ANK3: variants seen among roughly 807,000 people sequenced by gnomAD.
ANK3 encodes the protein ankyrin 3.
Under a neutral mutation model 370.9 loss-of-function variants are expected in ANK3, and 57 were observed. The ratio of observed to expected loss-of-function variants is 0.15; its 90% CI spans 0.12 to 0.19. The LOEUF is 0.19. Among genes scored for constraint, ANK3 ranks in the 10% least tolerant of loss-of-function variants. The pLI, the probability that ANK3 is intolerant of heterozygous loss-of-function variation, is 1.00. For synonymous variants in ANK3, 1,929 were observed against 1,946.3 expected (o/e 0.99, Z 0.23); for missense variants, 4,439 against 5,302.1 (o/e 0.84, Z 5.06).
intron 2 of ANK3, among the ~76,000 whole-genome samples, chr10:60,407,342 A>C (rs966708630): frequency 2.0e-5 from 3 of 152,220 alleles, no homozygotes; most frequent in African/African-American, 7.2e-5. Context: ...GAGGCAGGAA[A>C]ATGTTAGCGA....
At chr10:60,509,314 T>C (rs2076021433) in intron 2 of ANK3, among the ~76,000 whole-genome samples, 2 of 152,124 alleles carry the variant, frequency 1.3e-5, no homozygotes, top group South Asian at 4.1e-4. Flanking sequence ...AGCTCACATA[T>C]TGTGTCAAAT....
intron 7 of ANK3, among the ~76,000 whole-genome samples, chr10:60,260,727 T>C (rs940171803): frequency 6.6e-6 from 1 of 152,116 alleles, no homozygotes; most frequent in Non-Finnish European, 1.5e-5. Flanking sequence ...AGCACCACTC[T>C]TCTTGCTCTC....
intron 2 of ANK3, among the ~76,000 whole-genome samples, chr10:60,423,797 T>A (rs2063825077): frequency 1.3e-5 from 2 of 152,020 alleles, no homozygotes; most frequent in South Asian, 4.1e-4. Flanking sequence ...GAATATACAC[T>A]TTATACACTG....
At chr10:60,188,562 G>A (rs1196194277) in intron 16 of ANK3, among the ~76,000 whole-genome samples, 1 of 152,056 alleles carries the variant, frequency 6.6e-6, no homozygotes, top group Non-Finnish European at 1.5e-5. Context: ...CAACACAGAG[G>A]GTTTTGAGGG....
chr10:60,455,732 T>C (rs950465749), intron 2 of ANK3, among the ~76,000 whole-genome samples: 7 of 152,150 alleles, frequency 4.6e-5, no homozygotes, highest in African/African-American at 1.4e-4. Flanking sequence ...ATCCCATTCA[T>C]AGGCTAACCC....
At chr10:60,107,411 T>A (rs1246708971) in intron 27 of ANK3, among the ~76,000 whole-genome samples, 2 of 152,176 alleles carry the variant, frequency 1.3e-5, no homozygotes, top group Non-Finnish European at 2.9e-5. Context: ...TGATGTTCAA[T>A]GATATTGGAG....
At chr10:60,395,095 T>A (rs1354683075) in intron 2 of ANK3, among the ~76,000 whole-genome samples, 1 of 152,214 alleles carries the variant, frequency 6.6e-6, no homozygotes, top group African/African-American at 2.4e-5. Context: ...CTAGAACACA[T>A]GCAAGTGTGT....
In ANK3 at chr10:60,156,720, C is replaced by T. The variant is rs144622321; in HGVS notation, c.2614+9871G>A. 9.5e-3 allele frequency among the ~76,000 whole-genome samples: 1,450 copies of T among 152,312 alleles called. 19 individuals are homozygous for T. Among genetic ancestry groups the T allele is most frequent in the African/African-American group, 0.033 (1,351 of 41,558 alleles). ...CTGTAAGAGTTGCAGCATTCCGGGG[C>T]TTAGGGCACTCTCTAGTGCTGAAAT... On this transcript the variant is annotated intron_variant, in intron 23 of 43. Coordinates refer to ENST00000280772, the MANE Select transcript of ANK3 (RefSeq NM_020987.5).
Position 60,076,273 on chromosome 10 carries a change from C to T in ANK3, c.4608G>A (p.Pro1536=), listed in dbSNP as rs374011694. The change falls in exon 37 of 44, where the codon CCG becomes CCA. Residue 1536 remains proline (P), a synonymous_variant. Coordinates refer to ENST00000280772, the MANE Select transcript of ANK3 (RefSeq NM_020987.5). ...SSSSNTPSAS[P]LKSIWSVSTP... is the part of the protein sequence containing the mutation. The stretch of plus-strand genomic sequence containing the variant: ...TCGAAACAGACCATATTGATTTTAA[C>T]GGAGAAGCTGATGGCGTATTAGAGG... 69 of 1,614,050 alleles carry T rather than the reference C, an allele frequency of 4.3e-5. No homozygotes were observed. Among genetic ancestry groups the T allele is most frequent in the South Asian group, 2.4e-4 (22 of 91,084 alleles).
intron 42 of ANK3, among the ~76,000 whole-genome samples, chr10:60,053,521 A>C (rs987468877): frequency 6.6e-6 from 1 of 152,222 alleles, no homozygotes; most frequent in Admixed American, 6.5e-5. Flanking sequence ...CTAACCTTAA[A>C]GTGAAAATGG....
intron 2 of ANK3, among the ~76,000 whole-genome samples, chr10:60,515,280 C>G (rs1051729048): frequency 9.2e-5 from 14 of 152,124 alleles, no homozygotes; most frequent in African/African-American, 3.1e-4. Flanking sequence ...TGAACTGAGA[C>G]TGCAGGAAGC....
chr10:60,175,722 G>C (rs2095914069), intron 18 of ANK3, among the ~76,000 whole-genome samples: 1 of 152,194 alleles, frequency 6.6e-6, no homozygotes, highest in African/African-American at 2.4e-5. Context: ...TGAGAACGGG[G>C]GAAGGAGGGG....
intron 43 of ANK3, among the ~76,000 whole-genome samples, chr10:60,036,430 T>TTTTTTTTTTTTTTTTTG (rs2075000731): frequency 1.4e-5 from 1 of 71,612 alleles, no homozygotes; most frequent in African/African-American, 4.7e-5. Flanking sequence ...CAATTTTTTT[T>TTTTTTTTTTTTTTTTTG]TTTTTTTTTT....
Position 60,696,172 on chromosome 10 carries a change from G to A in ANK3, c.57+37091C>T, listed in dbSNP as rs190498229. 4.4e-4 allele frequency among the ~76,000 whole-genome samples: 66 copies of A among 149,662 alleles called. 1 individual carries two copies. The East Asian group carries it at 9.6e-3, about 22-fold the overall frequency. On this transcript the variant is annotated intron_variant, in intron 1 of 43. Coordinates refer to the ANK3 transcript ENST00000373827. ...TCTAGAAGTCATGGATAAATTCCTC[G>A]ACACATACACTCTCCCAAGACTAAA... is the stretch of plus-strand genomic sequence containing the variant.
chr10:60,412,470 A>C (rs1258804305), intron 2 of ANK3, among the ~76,000 whole-genome samples: 2 of 152,218 alleles, frequency 1.3e-5, no homozygotes, highest in Admixed American at 6.5e-5. Flanking sequence ...ACATTACACC[A>C]CTGGCTTTCC....
In ANK3 at chr10:60,389,762, C is replaced by A; in HGVS notation, c.-224G>T. ...CATCCTACACCTTCCTCTACCTGAA[C>A]CTTTACAGGAGAGTGCAGCCATCGT... On this transcript the variant is annotated 5_prime_UTR_variant, in exon 1 of 44. Transcript: ENST00000280772. 2 of 1,391,340 alleles carry A rather than the reference C, an allele frequency of 1.4e-6. No individual in the cohort carries two copies. Among genetic ancestry groups the A allele is most frequent in the Non-Finnish European group, 1.9e-6 (2 of 1,075,042 alleles). 86.2% of individuals were successfully genotyped at this position (1,391,340 alleles called of 1,614,324 possible). A position where few individuals can be genotyped will look rare whatever the true frequency, so the allele number is the denominator to read the frequency against.
intron 18 of ANK3, among the ~76,000 whole-genome samples, chr10:60,178,193 T>C (rs1207612645): frequency 6.6e-6 from 1 of 152,180 alleles, no homozygotes. Flanking sequence ...TCTTAAGACA[T>C]AATCCCCATT....
chr10:60,426,015 G>A (rs376045903), intron 2 of ANK3, among the ~76,000 whole-genome samples: 2 of 152,066 alleles, frequency 1.3e-5, no homozygotes, highest in East Asian at 3.9e-4. Context: ...AGAAAAAAGA[G>A]TACTTGACTA....
intron 1 of ANK3, among the ~76,000 whole-genome samples, chr10:60,284,304 T>C (rs1210823980): frequency 6.6e-6 from 1 of 152,172 alleles, no homozygotes; most frequent in Non-Finnish European, 1.5e-5. Flanking sequence ...AACTGTGAGA[T>C]AATACATTTT....
Sources: gnomAD v4.1 joint callset for allele counts (sites outside exome capture counted in the v4.1 genomes callset) on GRCh38, gnomAD v4.1.1 for gene constraint, MANE v1.5 for transcripts, NCBI Gene and HGNC (gene_info 2026-07-23, HGNC 2026-07-21) for gene names.